CTNNA3: variants seen among roughly 807,000 people sequenced by gnomAD.
CTNNA3 encodes the protein catenin alpha 3, also known as catenin alpha-3.
Under a neutral mutation model 95.7 loss-of-function variants are expected in CTNNA3, and 76 were observed. The ratio of observed to expected loss-of-function variants is 0.79; its 90% CI spans 0.66 to 0.96. The LOEUF is 0.96. CTNNA3 is among the 40% of genes least tolerant of loss of function. The pLI, the probability that CTNNA3 is intolerant of heterozygous loss-of-function variation, is 0.00. For missense variants in CTNNA3, 1,191 were observed against 1,089.8 expected, an observed-to-expected ratio of 1.09 and a Z score of -1.31; for synonymous variants, 431 against 374.4, an observed-to-expected ratio of 1.15 and a Z score of -1.74.
chr10:66,266,105 GAGGA>G (rs201574722), intron 13 of CTNNA3, among the ~76,000 whole-genome samples: 6,411 of 149,376 alleles, frequency 0.043, 259 homozygotes, highest in African/African-American at 0.098. Flanking sequence ...GAAAGAGAGG[GAGGA>G]AGGAAGGAAG....
chr10:67,306,793 A>C (rs939759301), intron 5 of CTNNA3, among the ~76,000 whole-genome samples: 2 of 152,124 alleles, frequency 1.3e-5, no homozygotes, highest in African/African-American at 4.8e-5. Flanking sequence ...TTTTTAAAAA[A>C]AAATACAAGG....
chr10:67,067,823 A>T (rs10822969), intron 7 of CTNNA3, among the ~76,000 whole-genome samples: 20,560 of 152,236 alleles, frequency 0.14, 1,830 homozygotes, highest in African/African-American at 0.26. Context: ...TAAATAAGAC[A>T]TACTCTCAGT....
intron 3 of CTNNA3, among the ~76,000 whole-genome samples, chr10:67,595,374 C>T (rs1842907908): frequency 6.6e-6 from 1 of 151,988 alleles, no homozygotes; most frequent in African/African-American, 2.4e-5. Context: ...TTGATTTCTC[C>T]CTTAATTTTA....
rs376270686 is a variant in CTNNA3 at position 67,045,717 on chromosome 10, A to G, written c.1047+134600T>C. On this transcript the variant is annotated intron_variant, in intron 7 of 17. Transcript: ENST00000433211. The stretch of plus-strand genomic sequence containing the variant: ...CAGGCGGGGATAGCGGGGGACCGAC[A>G]TCCGAGACCAGCCAAGGCCCCCCTC... Among the ~76,000 whole-genome samples, 17 of 152,272 alleles carry G rather than the reference A, an allele frequency of 1.1e-4. 1 individual carries two copies. Among genetic ancestry groups the G allele is most frequent in the African/African-American group, 4.1e-4 (17 of 41,564 alleles).
intron 7 of CTNNA3, among the ~76,000 whole-genome samples, chr10:66,966,372 T>C (rs1589509197): frequency 1.3e-5 from 2 of 152,134 alleles, no homozygotes; most frequent in East Asian, 3.8e-4. Flanking sequence ...CTTTGTATAA[T>C]GAAATGAAAA....
intron 7 of CTNNA3, among the ~76,000 whole-genome samples, chr10:67,026,852 C>A (rs1287233831): frequency 6.6e-6 from 1 of 152,140 alleles, no homozygotes; most frequent in African/African-American, 2.4e-5. Context: ...CTAAAATCTA[C>A]AAAGCTTATT....
chr10:67,085,865 T>C (rs1440004837), intron 7 of CTNNA3, among the ~76,000 whole-genome samples: 4 of 152,020 alleles, frequency 2.6e-5, no homozygotes, highest in Non-Finnish European at 4.4e-5. Flanking sequence ...TTAATATCAA[T>C]GAAATAACAG....
intron 12 of CTNNA3, among the ~76,000 whole-genome samples, chr10:66,317,187 A>G (rs1205120024): frequency 6.6e-6 from 1 of 152,140 alleles, no homozygotes; most frequent in Non-Finnish European, 1.5e-5. Flanking sequence ...CAAGTTTAAT[A>G]CATTAAAATA....
At chr10:66,497,736 A>C (rs1840145995) in intron 11 of CTNNA3, among the ~76,000 whole-genome samples, 1 of 152,108 alleles carries the variant, frequency 6.6e-6, no homozygotes, top group Non-Finnish European at 1.5e-5. Context: ...TGTTTTCTTC[A>C]GTTTTCAATG....
chr10:67,428,266 T>C (rs570737237), intron 5 of CTNNA3, among the ~76,000 whole-genome samples: 99 of 152,054 alleles, frequency 6.5e-4, no homozygotes, highest in Non-Finnish European at 1.2e-3. Context: ...TTCCATAGTT[T>C]ACCTTTATAA....
At chr10:66,052,842 A>T (rs2079990427) in intron 15 of CTNNA3, among the ~76,000 whole-genome samples, 1 of 152,158 alleles carries the variant, frequency 6.6e-6, no homozygotes, top group Middle Eastern at 3.2e-3. Flanking sequence ...TTAAGTATCT[A>T]AATAAGTTTG....
At chr10:67,736,451 A>ATTTT (rs71468819) in intron 1 of CTNNA3, among the ~76,000 whole-genome samples, 3 of 118,068 alleles carry the variant, frequency 2.5e-5, no homozygotes, top group African/African-American at 3.5e-5. Context: ...TTTTACCACA[A>ATTTT]TTTTTTTTTT....
chr10:67,228,774 A>T (rs1375455495), intron 5 of CTNNA3, among the ~76,000 whole-genome samples: 2 of 152,214 alleles, frequency 1.3e-5, no homozygotes, highest in Non-Finnish European at 2.9e-5. Context: ...TTAAATCGGT[A>T]AGAATTAGAT....
At chr10:66,392,869 A>G (rs933644077) in intron 11 of CTNNA3, among the ~76,000 whole-genome samples, 3 of 152,086 alleles carry the variant, frequency 2.0e-5, no homozygotes, top group Non-Finnish European at 2.9e-5. Context: ...ACATACTTCT[A>G]CTATACAATC....
intron 17 of CTNNA3, among the ~76,000 whole-genome samples, chr10:65,930,913 T>C (rs2077242687): frequency 6.6e-6 from 1 of 152,342 alleles, no homozygotes; most frequent in African/African-American, 2.4e-5. Flanking sequence ...CATAGATTAA[T>C]TGTAAATTAA....
chr10:67,741,990 C>T (rs1183062737), intron 1 of CTNNA3, among the ~76,000 whole-genome samples: 1 of 151,216 alleles, frequency 6.6e-6, no homozygotes, highest in African/African-American at 2.4e-5. Context: ...AATACAGGAG[C>T]ACCCAGATTC....
intron 7 of CTNNA3, among the ~76,000 whole-genome samples, chr10:67,153,052 T>TG (rs1861154939): frequency 6.6e-6 from 1 of 152,074 alleles, no homozygotes; most frequent in African/African-American, 2.4e-5. Context: ...ATCAGCTCAC[T>TG]GCAACCTCTG....
In CTNNA3 at chr10:67,243,253, C is replaced by T. The variant is rs181113281; in HGVS notation, c.580-23383G>A. On this transcript the variant is annotated intron_variant, in intron 5 of 17. Coordinates refer to ENST00000433211, the MANE Select transcript of CTNNA3 (RefSeq NM_013266.4). The stretch of plus-strand genomic sequence containing the variant: ...ATCAAAAAGAAACGTGAGGAATATC[C>T]GTGACTTTTCCAACCCCCCCAACCC... Among the ~76,000 whole-genome samples the T allele has an allele frequency of 6.6e-5, 10 of 152,184 alleles. No homozygotes were observed. In the South Asian group the frequency reaches 8.3e-4, roughly 13 times the overall value.
chr10:66,237,566 T>TTG (rs1453638720), intron 13 of CTNNA3, among the ~76,000 whole-genome samples: 1 of 151,772 alleles, frequency 6.6e-6, no homozygotes, highest in Non-Finnish European at 1.5e-5. Context: ...TTTTGTGATT[T>TTG]TTTTTTTTAA....
Sources: gnomAD v4.1 joint callset for allele counts (sites outside exome capture counted in the v4.1 genomes callset) on GRCh38, gnomAD v4.1.1 for gene constraint, MANE v1.5 for transcripts, NCBI Gene and HGNC (gene_info 2026-07-23, HGNC 2026-07-21) for gene names.